The following PCM1 variants were observed in gnomAD, a reference collection of about 807,000 sequenced individuals.
PCM1 encodes the protein pericentriolar material 1 protein.
PCM1 carries 157 observed loss-of-function variants against 241.9 expected under a neutral mutation model. The ratio of observed to expected loss-of-function variants is 0.65; its 90% CI spans 0.57 to 0.74. The LOEUF (loss-of-function observed/expected upper bound fraction) is 0.74, where lower values mean the gene tolerates loss of function less well. PCM1 is among the 30% of genes least tolerant of loss of function. PCM1 has a pLI of 0.00. For synonymous variants in PCM1, 1,085 were observed against 784.9 expected (o/e 1.38, Z -6.39); for missense variants, 3,478 against 2,360.1 (o/e 1.47, Z -9.81).
intron 6 of PCM1, among the ~76,000 whole-genome samples, chr8:17,943,203 T>G (rs2062744031): frequency 6.7e-6 from 1 of 149,800 alleles, no homozygotes; most frequent in African/African-American, 2.4e-5. Context: ...TTTTGGTGTG[T>G]GTGGCTATTT....
Position 17,972,550 on chromosome 8 carries a change from A to G in PCM1, c.3806A>G (p.Asp1269Gly). The G allele has an allele frequency of 6.2e-7, 1 of 1,613,870 alleles. No individual in the cohort carries two copies. Among genetic ancestry groups the G allele is most frequent in the Non-Finnish European group, 8.5e-7 (1 of 1,179,772 alleles). Residue 1269 changes from aspartate to glycine, a missense_variant, in exon 23 of 39, where the codon GAT (aspartate) becomes GGT (glycine). Asp to Gly is a moderately conservative substitution (Grantham distance 94). Coordinates refer to ENST00000325083, the MANE Select transcript of PCM1 (RefSeq NM_006197.4). ...ESFSSMPDPV[D>G]PTTVTKTFKT... ...TTTAGCAGTATGCCTGATCCAGTAG[A>G]TCCAACAACAGTGACTAAAACATTC...
intron 31 of PCM1, 46 bp downstream of exon 31, chr8:18,009,790 A>G (rs2129485190): frequency 1.7e-6 from 2 of 1,165,470 alleles, no homozygotes; most frequent in Non-Finnish European, 2.3e-6. Flanking sequence ...ACACATAAAT[A>G]CAGTTCTTGA....
chr8:17,932,297 A>G (rs1209511287), intron 2 of PCM1, among the ~76,000 whole-genome samples: 1 of 152,160 alleles, frequency 6.6e-6, no homozygotes. Flanking sequence ...GATTGCATAT[A>G]GAGAGGTAGA....
chr8:18,021,473 A>G (rs992943222), intron 36 of PCM1, among the ~76,000 whole-genome samples: 5 of 152,180 alleles, frequency 3.3e-5, no homozygotes, highest in Admixed American at 2.6e-4. Flanking sequence ...CCTGTTTGCA[A>G]GATAGATTGG....
chr8:18,025,396 TGAA>T lies in PCM1; in HGVS notation c.5883_5885del (p.Glu1961del), dbSNP rs749481887. 1.7e-5 allele frequency: 27 copies of T among 1,603,738 alleles called. No homozygotes were observed. Among genetic ancestry groups the T allele is most frequent in the African/African-American group, 2.7e-5 (2 of 74,654 alleles). On this transcript the variant is annotated inframe_deletion, in exon 37 of 39. Transcript: ENST00000325083. ...CTGGTAATATAAGTCAAAAGTCTGA[TGAA>T]GAAGATTTTGTAAAAGTTGAAGATT... is the stretch of plus-strand genomic sequence containing the variant.
At position 17,972,659 on chromosome 8, in the gene PCM1, T is replaced by C. The variant is rs576277759; in HGVS notation, c.3915T>C (p.Thr1305=). The C allele has an allele frequency of 3.8e-6, 6 of 1,569,354 alleles. No homozygotes were observed. In the East Asian group the frequency reaches 1.4e-4, roughly 35 times the overall value. The part of the protein sequence containing the change: ...PKSKSKKRNS[T]QLKSRVKNIR... ...CAAAAAGTAAGAAGAGGAATTCTACTCAGCTGAAAAGCAGAGTTAAAAACA... is the reference window on the plus strand; with the variant it reads ...CAAAAAGTAAGAAGAGGAATTCTACCCAGCTGAAAAGCAGAGTTAAAAACA... Residue 1305 remains threonine, a synonymous_variant, in exon 23 of 39, where the codon ACT becomes ACC. Coordinates refer to ENST00000325083, the MANE Select transcript of PCM1 (RefSeq NM_006197.4).
At chr8:18,018,815 A>AG (rs1412406340) in intron 36 of PCM1, among the ~76,000 whole-genome samples, 6 of 145,730 alleles carry the variant, frequency 4.1e-5, no homozygotes, top group Non-Finnish European at 9.0e-5. Flanking sequence ...GTCTCAAAAA[A>AG]AAAAAAATAT....
rs2092169987 is a variant in PCM1 at position 18,009,755 on chromosome 8, T to A, written c.5160+11T>A. 1 of 1,396,144 alleles carries A rather than the reference T, an allele frequency of 7.2e-7. No homozygotes were observed. The highest frequency in any genetic ancestry group is 9.4e-7 in the Non-Finnish European group (1 of 1,063,304). The allele number at this position is 1,396,144 out of a possible 1,614,324, so 86.5% of individuals were successfully genotyped here. On this transcript the variant is annotated intron_variant, in intron 31 of 38. Transcript: ENST00000325083. ...TCTTGTGCCAAAGAGGTAAATAACG[T>A]TCATTTTGATTTTTAGGATAATTGA...
At chr8:17,977,246 C>G (rs1389673216) in intron 23 of PCM1, among the ~76,000 whole-genome samples, 1 of 151,866 alleles carries the variant, frequency 6.6e-6, no homozygotes, top group Non-Finnish European at 1.5e-5. Flanking sequence ...ATATTAAGAT[C>G]AATAATAATC....
At chr8:17,964,951 C>G (rs1420408760) in intron 18 of PCM1, among the ~76,000 whole-genome samples, 183 bp downstream of exon 18, 1 of 152,098 alleles carries the variant, frequency 6.6e-6, no homozygotes, top group South Asian at 2.1e-4. Flanking sequence ...AGTAAGACTG[C>G]CCTCACCTCA....
intron 18 of PCM1, 36 bp downstream of exon 18, chr8:17,964,804 A>G: frequency 6.6e-7 from 1 of 1,519,982 alleles, no homozygotes; most frequent in Non-Finnish European, 9.1e-7. Flanking sequence ...GCTTAATTTA[A>G]GAGGCTCAGG....
intron 21 of PCM1, 103 bp downstream of exon 21, chr8:17,967,273 G>T: frequency 1.3e-6 from 1 of 768,850 alleles, no homozygotes; most frequent in Non-Finnish European, 2.0e-6. Flanking sequence ...TTGGAGTGGG[G>T]TAGGAAATGT....
At chr8:17,944,640 C>G (rs1027650630) in intron 6 of PCM1, among the ~76,000 whole-genome samples, 3 of 152,040 alleles carry the variant, frequency 2.0e-5, no homozygotes, top group Non-Finnish European at 4.4e-5. Context: ...CACCTAGCAT[C>G]CTTTTTGGAT....
In PCM1 at chr8:17,947,182, C is replaced by G. The variant is rs948806162; in HGVS notation, c.784-4C>G. ...ATACAAGTATTGTTGGTCTTATTTT[C>G]CAGGCCAGAGATCCTCAGCAGGAGC... is the stretch of plus-strand genomic sequence containing the variant. On this transcript the variant is annotated splice_polypyrimidine_tract_variant and splice_region_variant and intron_variant, in intron 6 of 38. Transcript: ENST00000325083. 4.5e-6 allele frequency: 7 copies of G among 1,563,754 alleles called. No individual in the cohort carries two copies. The highest frequency in any genetic ancestry group is 6.1e-6 in the Non-Finnish European group (7 of 1,151,860).
At chr8:18,014,108 A>ACACACACAC in intron 35 of PCM1, 72 bp downstream of exon 35, 3 of 834,660 alleles carry the variant, frequency 3.6e-6, no homozygotes, top group Non-Finnish European at 5.6e-6. Flanking sequence ...AAAAAAAAAA[A>ACACACACAC]AAACACACAC....
intron 29 of PCM1, among the ~76,000 whole-genome samples, chr8:17,998,630 G>C (rs1192537518): frequency 6.6e-6 from 1 of 152,198 alleles, no homozygotes; most frequent in Admixed American, 6.5e-5. Context: ...GCACAGCACA[G>C]CACTGGGGCT....
At position 17,938,809 on chromosome 8, in the gene PCM1, C is replaced by G. The variant is rs763214441; in HGVS notation, c.412C>G (p.Arg138Gly). ...ANNKRQLSEN[R>G]KPFNFLPMQI... ...CAACAAACGTCAGCTTAGTGAAAACCGAAAGCCCTTCAACTTTTTGCCTAT... is the reference window on the plus strand; with the variant it reads ...CAACAAACGTCAGCTTAGTGAAAACGGAAAGCCCTTCAACTTTTTGCCTAT... The change falls in exon 5 of 39, where the codon CGA becomes GGA. Residue 138 changes from arginine (R) to glycine (G), a missense_variant. Coordinates refer to ENST00000325083, the MANE Select transcript of PCM1 (RefSeq NM_006197.4). The G allele has an allele frequency of 1.2e-6, 2 of 1,612,920 alleles. No homozygotes were observed. The highest frequency in any genetic ancestry group is 1.7e-6 in the Non-Finnish European group (2 of 1,178,940).
intron 36 of PCM1, 129 bp downstream of exon 36, chr8:18,014,969 C>G: frequency 1.3e-6 from 1 of 758,012 alleles, no homozygotes; most frequent in Non-Finnish European, 2.0e-6. Flanking sequence ...GAACATTTTT[C>G]TAATTCACAC....
intron 21 of PCM1, 164 bp from the exon 22 acceptor site, chr8:17,969,413 A>C (rs1391037735): frequency 1.7e-6 from 1 of 574,874 alleles, no homozygotes; most frequent in African/African-American, 1.9e-5. Context: ...TAGTGGCCTA[A>C]GCTGTGAACA....
Sources: gnomAD v4.1 joint callset for allele counts (sites outside exome capture counted in the v4.1 genomes callset) on GRCh38, gnomAD v4.1.1 for gene constraint, MANE v1.5 for transcripts, NCBI Gene and HGNC (gene_info 2026-07-23, HGNC 2026-07-21) for gene names.